Variants in SCN11A observed in about 807,000 individuals in gnomAD.
SCN11A encodes sodium channel protein type 11 subunit alpha.
A neutral mutation model predicts 162.2 loss-of-function variants in SCN11A; 122 were observed. That is an observed-to-expected ratio of 0.75 (90% CI 0.65 to 0.87). The LOEUF is 0.87. Ranked by LOEUF, SCN11A falls within the 40% of genes least tolerant of loss-of-function variation. The pLI is 0.00. For synonymous variants in SCN11A, 758 were observed against 751.5 expected (o/e 1.01, Z -0.14); for missense variants, 2,015 against 2,181.6 (o/e 0.92, Z 1.52).
chr3:39,003,496 A>G (rs1164842052), intron 2 of SCN11A, among the ~76,000 whole-genome samples: 1 of 152,154 alleles, frequency 6.6e-6, no homozygotes, highest in Non-Finnish European at 1.5e-5. Flanking sequence ...GAACATCTGC[A>G]TGTATGTGTC....
intron 2 of SCN11A, among the ~76,000 whole-genome samples, chr3:38,981,539 G>GTT (rs2030056603): frequency 1.0e-5 from 1 of 99,916 alleles, no homozygotes; most frequent in Non-Finnish European, 2.1e-5. Context: ...GTGTGTGTTT[G>GTT]TGTGTGTGTG....
At chr3:39,012,286 T>C (rs76966453) in intron 2 of SCN11A, among the ~76,000 whole-genome samples, 19 of 152,000 alleles carry the variant, frequency 1.3e-4, no homozygotes, top group African/African-American at 3.9e-4. Context: ...GATTACGCCA[T>C]TGCACTCCAG....
chr3:38,901,069 A>C (rs1414694722), intron 16 of SCN11A, among the ~76,000 whole-genome samples: 1 of 152,224 alleles, frequency 6.6e-6, no homozygotes, highest in African/African-American at 2.4e-5. Context: ...AAAGGATTAA[A>C]GTCTTTACAA....
At chr3:38,991,998 G>A (rs988510964) in intron 2 of SCN11A, among the ~76,000 whole-genome samples, 3 of 151,860 alleles carry the variant, frequency 2.0e-5, no homozygotes, top group Non-Finnish European at 4.4e-5. Context: ...TAGTAGAGAC[G>A]GGGTTTTACC....
At chr3:38,858,252 G>C (rs1427685636) in intron 28 of SCN11A, among the ~76,000 whole-genome samples, 1 of 151,910 alleles carries the variant, frequency 6.6e-6, no homozygotes, top group Admixed American at 6.6e-5. Context: ...TACAAACCAA[G>C]CATCTACTGT....
Position 39,051,868 on chromosome 3 carries a change from CA to C in SCN11A, c.-412del, listed in dbSNP as rs2032395977. 3.6e-6 allele frequency: 3 copies of C among 830,036 alleles called. No individual in the cohort carries two copies. Among genetic ancestry groups the C allele is most frequent in the Non-Finnish European group, 5.8e-6 (3 of 515,616 alleles). The allele number at this position is 830,036 out of a possible 1,614,324, so 51.4% of individuals were successfully genotyped here. On this transcript the variant is annotated 5_prime_UTR_variant, in exon 1 of 30. It removes an upstream start codon present in the reference 5' UTR. Transcript: ENST00000302328. ...GTTTTTAGGTGCATCTACCTCATCA[CA>C]TGGCTACCGGCCACACAGCAACTAA...
chr3:39,045,926 T>C (rs901426205), intron 1 of SCN11A, among the ~76,000 whole-genome samples: 3 of 152,080 alleles, frequency 2.0e-5, no homozygotes, highest in African/African-American at 7.2e-5. Flanking sequence ...TCAGAACTGA[T>C]AAAGAAATTC....
At chr3:38,996,660 T>C (rs1172641986) in intron 2 of SCN11A, among the ~76,000 whole-genome samples, 2 of 152,200 alleles carry the variant, frequency 1.3e-5, no homozygotes, top group Non-Finnish European at 2.9e-5. Flanking sequence ...TACAACTGCA[T>C]TGACCCACCT....
Position 38,885,076 on chromosome 3 carries a change from A to G in SCN11A, c.3064+212T>C, listed in dbSNP as rs183029047. Among the ~76,000 whole-genome samples the G allele has an allele frequency of 8.5e-5, 13 of 152,322 alleles. No homozygotes were observed. In the East Asian group the frequency reaches 2.5e-3, roughly 29 times the overall value. On this transcript the variant is annotated intron_variant, in intron 21 of 29. Transcript: ENST00000302328. ...GAGTGTTTACCTGGCATTTTGGGCCATGTGAGAGGAGCCCAATTAAAGCAA... is the reference window on the plus strand; with the variant it reads ...GAGTGTTTACCTGGCATTTTGGGCCGTGTGAGAGGAGCCCAATTAAAGCAA...
intron 2 of SCN11A, among the ~76,000 whole-genome samples, chr3:38,982,842 G>C (rs1156378858): frequency 6.6e-6 from 1 of 152,066 alleles, no homozygotes; most frequent in Non-Finnish European, 1.5e-5. Context: ...GTGATCTTGG[G>C]GGAGACCATT....
At chr3:38,994,356 G>A (rs2030546594) in intron 2 of SCN11A, among the ~76,000 whole-genome samples, 1 of 152,278 alleles carries the variant, frequency 6.6e-6, no homozygotes, top group South Asian at 2.1e-4. Context: ...CACATTTAAG[G>A]TGAAATGCTG....
chr3:38,898,062 C>A (rs948840829), intron 17 of SCN11A, among the ~76,000 whole-genome samples: 3 of 151,892 alleles, frequency 2.0e-5, no homozygotes, highest in Non-Finnish European at 4.4e-5. Context: ...CATGGTGAAA[C>A]CCCCATCTCT....
intron 2 of SCN11A, among the ~76,000 whole-genome samples, chr3:39,018,382 C>T (rs1054852612): frequency 6.6e-5 from 10 of 152,170 alleles, no homozygotes; most frequent in Non-Finnish European, 2.9e-5. Flanking sequence ...GCTACTTCTC[C>T]TCAACTCAAG....
intron 2 of SCN11A, among the ~76,000 whole-genome samples, chr3:38,986,224 C>G (rs1420116261): frequency 6.6e-6 from 1 of 150,776 alleles, no homozygotes; most frequent in Non-Finnish European, 1.5e-5. Flanking sequence ...GGACCGTCAC[C>G]ACACCATCCA....
At chr3:38,993,833 C>T (rs2125595230) in intron 2 of SCN11A, among the ~76,000 whole-genome samples, 1 of 152,308 alleles carries the variant, frequency 6.6e-6, no homozygotes, top group South Asian at 2.1e-4. Flanking sequence ...TTTTCTGCCT[C>T]CTGCATGCAG....
chr3:39,017,053 T>C (rs939325714), intron 2 of SCN11A, among the ~76,000 whole-genome samples: 5 of 152,202 alleles, frequency 3.3e-5, no homozygotes, highest in African/African-American at 1.2e-4. Flanking sequence ...CACCCCGTGT[T>C]GTTGATATTG....
intron 2 of SCN11A, among the ~76,000 whole-genome samples, chr3:38,969,632 T>C (rs1460462379): frequency 1.3e-5 from 2 of 152,208 alleles, no homozygotes. Context: ...TCCCTGTGTT[T>C]GGTCATTTCA....
chr3:38,897,672 C>T (rs1414233103), intron 17 of SCN11A, among the ~76,000 whole-genome samples: 2 of 149,212 alleles, frequency 1.3e-5, no homozygotes, highest in African/African-American at 2.5e-5. Context: ...GCTGAGATTG[C>T]GCCATTGCAC....
chr3:39,035,463 CTT>C (rs2031878559), intron 1 of SCN11A, among the ~76,000 whole-genome samples: 1 of 152,310 alleles, frequency 6.6e-6, no homozygotes, highest in Admixed American at 6.5e-5. Context: ...GGATTAAGGA[CTT>C]AAATCTAAGA....
Sources: allele counts gnomAD v4.1 joint callset (sites outside exome capture counted in the v4.1 genomes callset), GRCh38; gene constraint gnomAD v4.1.1; transcripts MANE v1.5; gene names NCBI Gene and HGNC (gene_info 2026-07-23, HGNC 2026-07-21).